ALLC: variants seen among roughly 807,000 people sequenced by gnomAD.
ALLC encodes allantoicase, also known as probable inactive allantoicase.
Under a neutral mutation model 45.0 loss-of-function variants are expected in ALLC, and 40 were observed. That is an observed-to-expected ratio of 0.89 (90% CI 0.69 to 1.16). ALLC has a LOEUF of 1.16. Among genes scored for constraint, ALLC ranks in the 50% most tolerant of loss-of-function variants. The pLI is 0.00. For synonymous variants in ALLC, 176 were observed against 178.1 expected (o/e 0.99, Z 0.09); for missense variants, 488 against 493.1 (o/e 0.99, Z 0.10).
intron 7 of ALLC, among the ~76,000 whole-genome samples, chr2:3,689,743 C>T (rs908983418): frequency 1.3e-5 from 2 of 150,766 alleles, no homozygotes; most frequent in Non-Finnish European, 3.0e-5. Flanking sequence ...TGTAGTTCAA[C>T]TTCACTATTT....
At chr2:3,652,826 C>G in the ALLC span, among the ~76,000 whole-genome samples, 1 of 152,248 alleles carries the variant, frequency 6.6e-6, no homozygotes, top group African/African-American at 2.4e-5. Context: ...AGGCAATCAG[C>G]CTGGCTCAGC....
At chr2:3,687,178 C>G (rs994000874) in intron 7 of ALLC, among the ~76,000 whole-genome samples, 8 of 150,310 alleles carry the variant, frequency 5.3e-5, no homozygotes, top group African/African-American at 1.5e-4. Context: ...CAAATGCTTT[C>G]CAGCATTTAT....
At chr2:3,671,282 C>A in intron 2 of ALLC, 92 bp downstream of exon 2, 1 of 1,448,134 alleles carries the variant, frequency 6.9e-7, no homozygotes, top group Non-Finnish European at 9.5e-7. Flanking sequence ...CAAGAATCAA[C>A]AAGAATCAGG....
intron 1 of ALLC, among the ~76,000 whole-genome samples, chr2:3,667,360 G>A (rs1666751377): frequency 1.3e-5 from 2 of 152,178 alleles, no homozygotes; most frequent in South Asian, 4.1e-4. Context: ...TGTGCATCTG[G>A]GAGCTCTGCA....
chr2:3,681,714 G>A lies in ALLC; in HGVS notation c.378+1G>A. ...TGAGGAGTTTGAAGCCATTGCTGAG[G>A]TACATCTCCCCCAAATGAATTGGGT... On this transcript the variant is annotated splice_donor_variant, in intron 6 of 11. Coordinates refer to ENST00000252505, the MANE Select transcript of ALLC (RefSeq NM_018436.4). LOFTEE classifies it high-confidence loss of function. 1.9e-6 allele frequency: 3 copies of A among 1,606,152 alleles called. No homozygotes were observed. The highest frequency in any genetic ancestry group is 2.6e-6 in the Non-Finnish European group (3 of 1,175,724).
chr2:3,677,548 C>T lies in ALLC; in HGVS notation c.85-920C>T, dbSNP rs370045741. On this transcript the variant is annotated intron_variant, in intron 3 of 11. Coordinates refer to ENST00000252505, the MANE Select transcript of ALLC (RefSeq NM_018436.4). ...CAACAGCCAGAGGCGGTCAATAGCA[C>T]GATGGCTGTTTGCCTTTGACAGAGG... Among the ~76,000 whole-genome samples, 122 of 152,332 alleles carry T rather than the reference C, an allele frequency of 8.0e-4. 1 individual carries two copies. The highest frequency in any genetic ancestry group is 2.4e-3 in the African/African-American group (100 of 41,590).
At chr2:3,668,832 T>C (rs1198789581) in intron 1 of ALLC, among the ~76,000 whole-genome samples, 3 of 151,460 alleles carry the variant, frequency 2.0e-5, no homozygotes, top group East Asian at 4.0e-4. Flanking sequence ...CACCTCAGCC[T>C]CCCAAAGTGT....
At chr2:3,699,002 G>C (rs931636529) in intron 10 of ALLC, among the ~76,000 whole-genome samples, 27 of 152,128 alleles carry the variant, frequency 1.8e-4, no homozygotes, top group African/African-American at 5.1e-4. Flanking sequence ...AACTTATTTT[G>C]GAAAGACGGC....
At chr2:3,696,427 T>G in intron 9 of ALLC, 79 bp downstream of exon 9, 2 of 1,303,384 alleles carry the variant, frequency 1.5e-6, no homozygotes, top group Non-Finnish European at 1.1e-6. Flanking sequence ...AATAAACTTT[T>G]GCACATTTTA....
the ALLC span, among the ~76,000 whole-genome samples, chr2:3,651,012 G>A: frequency 6.6e-6 from 1 of 152,200 alleles, no homozygotes; most frequent in Admixed American, 6.5e-5. Context: ...AAGTAGGAGG[G>A]AAACGGTTTG....
At chr2:3,647,724 G>T in the ALLC span, among the ~76,000 whole-genome samples, 6 of 151,804 alleles carry the variant, frequency 4.0e-5, no homozygotes, top group Non-Finnish European at 5.9e-5. Flanking sequence ...GCCCCTGGGG[G>T]TAACTCACAC....
chr2:3,678,679 C>G lies in ALLC; in HGVS notation c.172+124C>G. 4.1e-6 allele frequency: 3 copies of G among 725,660 alleles called. No individual in the cohort carries two copies. The East Asian group carries it at 8.1e-5, about 20-fold the overall frequency. The allele number at this position is 725,660 out of a possible 1,614,324, so 45.0% of individuals were successfully genotyped here. ...ATGGGGCCCTGGAATGCTCTGTAAT[C>G]TTGGATGTCCTTATCTGAACATCAG... On this transcript the variant is annotated intron_variant, in intron 4 of 11. Transcript: ENST00000252505.
chr2:3,673,028 T>A (rs1025562208), intron 2 of ALLC, among the ~76,000 whole-genome samples: 33 of 103,142 alleles, frequency 3.2e-4, no homozygotes, highest in African/African-American at 1.1e-3. Context: ...GCACATGGAC[T>A]CCAGCCATGG....
intron 10 of ALLC, among the ~76,000 whole-genome samples, chr2:3,697,667 C>CTATCT (rs1667716311): frequency 2.7e-5 from 4 of 148,238 alleles, no homozygotes; most frequent in African/African-American, 9.9e-5. Flanking sequence ...ATCTATCTAT[C>CTATCT]TTTTATTTAT....
chr2:3,674,161 G>T, intron 3 of ALLC, 36 bp downstream of exon 3: 1 of 1,456,236 alleles, frequency 6.9e-7, no homozygotes, highest in Non-Finnish European at 9.4e-7. Flanking sequence ...GTAAAGGGTT[G>T]ATGTAGAGAA....
chr2:3,659,902 G>C (rs950314370), intron 1 of ALLC, among the ~76,000 whole-genome samples: 1 of 152,362 alleles, frequency 6.6e-6, no homozygotes, highest in Middle Eastern at 3.4e-3. Flanking sequence ...GCAGACACTG[G>C]TTGGGCCTGT....
chr2:3,667,220 A>T (rs1666747384), intron 1 of ALLC, among the ~76,000 whole-genome samples: 2 of 152,132 alleles, frequency 1.3e-5, no homozygotes, highest in South Asian at 4.1e-4. Flanking sequence ...GTGTGTCTTC[A>T]GTCCCCCGCT....
chr2:3,675,599 T>TATAC (rs1333152616), intron 3 of ALLC, among the ~76,000 whole-genome samples: 8 of 147,902 alleles, frequency 5.4e-5, no homozygotes, highest in African/African-American at 1.6e-4. Context: ...TATATATATA[T>TATAC]ACACACACAC....
At chr2:3,651,193 C>G in the ALLC span, among the ~76,000 whole-genome samples, 16 of 151,980 alleles carry the variant, frequency 1.1e-4, no homozygotes, top group Middle Eastern at 6.8e-3. Context: ...ATACTGCCAT[C>G]TAGTGGGAAA....
Sources: gnomAD v4.1 joint callset for allele counts (sites outside exome capture counted in the v4.1 genomes callset) on GRCh38, gnomAD v4.1.1 for gene constraint, MANE v1.5 for transcripts, NCBI Gene and HGNC (gene_info 2026-07-23, HGNC 2026-07-21) for gene names.